Variants in METTL9 observed in about 807,000 individuals in gnomAD.
METTL9 encodes methyltransferase 9, His-X-His N1(pi)-histidine.
Under a neutral mutation model 36.0 loss-of-function variants are expected in METTL9, and 10 were observed. That is an observed-to-expected ratio of 0.28 (90% CI 0.17 to 0.47). The LOEUF is 0.47. METTL9 is among the 20% of genes least tolerant of loss of function. The pLI is 0.99. For missense variants in METTL9, 246 were observed against 383.5 expected (o/e 0.64, Z 3.00); for synonymous variants, 175 against 149.7 (o/e 1.17, Z -1.23).
At chr16:21,655,020 G>T in intron 4 of METTL9, 1 of 584,530 alleles carries the variant, frequency 1.7e-6, no homozygotes. Context: ...AACCTTGCAA[G>T]CGTGGGCAAG....
rs1212376515 is a variant in METTL9, at chr16:21,625,057, A to T, written c.693A>T (p.Pro231=). The part of the protein sequence containing the change: ...LLKDIRSVLE[P]TRGRVILALV... Reference sequence around the variant, plus strand: ...AAGATATCAGAAGTGTCTTGGAGCCAACTAGAGGCAGGGTCATCCTTGCCC... The same window carrying T: ...AAGATATCAGAAGTGTCTTGGAGCCTACTAGAGGCAGGGTCATCCTTGCCC... Residue 231 remains proline, a synonymous_variant, in exon 4 of 5, where the codon CCA becomes CCT. Transcript: ENST00000358154. 14 of 1,614,086 alleles carry T rather than the reference A, an allele frequency of 8.7e-6. No homozygotes were observed. The highest frequency in any genetic ancestry group is 1.7e-5 in the Admixed American group (1 of 60,004).
In METTL9 at chr16:21,618,048, A is replaced by G; in HGVS notation, c.540A>G (p.Ile180Met). The change falls in exon 3 of 5, where the codon ATA becomes ATG. Residue 180 changes from isoleucine to methionine, a missense_variant. By Grantham distance (10) the Ile-to-Met change is conservative. Coordinates refer to ENST00000358154, the MANE Select transcript of METTL9 (RefSeq NM_016025.5). ...IYATELSETM[I>M]WQLQKKKYRV... Reference sequence around the variant, plus strand: ...CCACTGAGCTTTCTGAAACTATGATATGGCAGCTTCAGAAAAAGAAATACA... The same window carrying G: ...CCACTGAGCTTTCTGAAACTATGATGTGGCAGCTTCAGAAAAAGAAATACA... The G allele has an allele frequency of 2.5e-6, 4 of 1,576,876 alleles. No homozygotes were observed. Among genetic ancestry groups the G allele is most frequent in the Non-Finnish European group, 3.4e-6 (4 of 1,168,024 alleles).
intron 4 of METTL9, chr16:21,653,992 T>C (rs936651497): frequency 1.3e-5 from 2 of 151,914 alleles, no homozygotes; most frequent in African/African-American, 4.8e-5. Context: ...CATCTGCTCA[T>C]GATATATTTT....
chr16:21,601,823 T>A (rs772727516), intron 1 of METTL9, among the ~76,000 whole-genome samples: 5 of 151,976 alleles, frequency 3.3e-5, no homozygotes, highest in Non-Finnish European at 5.9e-5. Flanking sequence ...TATGGTGTTT[T>A]CTGAATATTT....
At chr16:21,613,275 C>G (rs1014827612) in intron 2 of METTL9, among the ~76,000 whole-genome samples, 4 of 149,294 alleles carry the variant, frequency 2.7e-5, no homozygotes, top group Non-Finnish European at 5.9e-5. Flanking sequence ...CCTCCGCCTC[C>G]CGGGTTTAAG....
At chr16:21,616,317 C>G (rs1398014257) in intron 2 of METTL9, among the ~76,000 whole-genome samples, 1 of 152,164 alleles carries the variant, frequency 6.6e-6, no homozygotes, top group African/African-American at 2.4e-5. Context: ...GGCCACAGCT[C>G]CTGGGCTCCC....
intron 1 of METTL9, 150 bp from the exon 2 acceptor site, chr16:21,612,495 A>G: frequency 1.4e-6 from 1 of 699,730 alleles, no homozygotes; most frequent in Non-Finnish European, 2.2e-6. Flanking sequence ...ATATGAGTAT[A>G]CGAAATGATT....
At chr16:21,650,422 C>T (rs771796824) in intron 4 of METTL9, among the ~76,000 whole-genome samples, 4 of 149,614 alleles carry the variant, frequency 2.7e-5, no homozygotes, top group African/African-American at 4.9e-5. Context: ...GCAGGAGAAT[C>T]GCTTGAACGT....
chr16:21,627,826 G>A (rs533098023), intron 4 of METTL9, among the ~76,000 whole-genome samples: 50 of 152,178 alleles, frequency 3.3e-4, no homozygotes, highest in Admixed American at 5.9e-4. Flanking sequence ...GGTGGTGGGC[G>A]CCTGTAGTTC....
chr16:21,599,953 C>A lies in METTL9; in HGVS notation c.165+55C>A. ...GGCGTGGCGGCCCGGCCTTCCCGCG[C>A]TGGGCCCGGCTATTGTGCGGGACGG... On this transcript the variant is annotated intron_variant, in intron 1 of 4. Coordinates refer to ENST00000358154, the MANE Select transcript of METTL9 (RefSeq NM_016025.5). The surrounding 1 kb of genome is among the most constrained non-coding windows in gnomAD (Gnocchi z 4.4). The A allele has an allele frequency of 7.9e-7, 1 of 1,268,440 alleles. No individual in the cohort carries two copies. The highest frequency in any genetic ancestry group is 9.9e-7 in the Non-Finnish European group (1 of 1,009,278). 78.6% of individuals were successfully genotyped at this position (1,268,440 alleles called of 1,614,324 possible). A position where few individuals can be genotyped will look rare whatever the true frequency, so the allele number is the denominator to read the frequency against.
intron 2 of METTL9, among the ~76,000 whole-genome samples, chr16:21,615,608 A>T (rs569932946): frequency 6.6e-6 from 1 of 152,220 alleles, no homozygotes; most frequent in South Asian, 2.1e-4. Flanking sequence ...AGAATTTTAT[A>T]ATTATCATGT....
At position 21,655,734 on chromosome 16, in the gene METTL9, T is replaced by C. The variant is rs1966691599; in HGVS notation, c.*302T>C. ...TTTTATACTTAATTGCAGTAGGGACTCATTCCCAGACAAAGCAATAGTCAC... is the reference window on the plus strand; with the variant it reads ...TTTTATACTTAATTGCAGTAGGGACCCATTCCCAGACAAAGCAATAGTCAC... On this transcript the variant is annotated 3_prime_UTR_variant, in exon 5 of 5. Transcript: ENST00000358154. 3.6e-6 allele frequency: 1 copy of C among 277,146 alleles called. No individual in the cohort carries two copies. The highest frequency in any genetic ancestry group is 4.8e-5 in the Admixed American group (1 of 20,992). The allele number at this position is 277,146 out of a possible 1,614,324, so 17.2% of individuals were successfully genotyped here.
chr16:21,641,388 CT>C, intron 4 of METTL9: 2 of 471,030 alleles, frequency 4.2e-6, no homozygotes. Context: ...TTATAGTTTC[CT>C]TACATTCTGA....
At chr16:21,627,856 G>A (rs994074230) in intron 4 of METTL9, among the ~76,000 whole-genome samples, 1 of 152,146 alleles carries the variant, frequency 6.6e-6, no homozygotes, top group African/African-American at 2.4e-5. Context: ...GGGAGGCTGA[G>A]GTGGGAGAAC....
intron 3 of METTL9, among the ~76,000 whole-genome samples, chr16:21,622,442 C>A (rs767597614): frequency 2.0e-5 from 3 of 152,060 alleles, no homozygotes; most frequent in Non-Finnish European, 4.4e-5. Flanking sequence ...ACTGCTTTAT[C>A]ATTCTCTAAG....
rs541282506 is a variant in METTL9, at chr16:21,622,141, C to CTTTTT, written c.567-2773_567-2769dup. Among the ~76,000 whole-genome samples the CTTTTT allele has an allele frequency of 2.0e-3, 70 of 34,912 alleles. 21 individuals are homozygous for CTTTTT. Among genetic ancestry groups the CTTTTT allele is most frequent in the Admixed American group, 5.5e-3 (12 of 2,176 alleles). 22.9% of individuals were successfully genotyped at this position (34,912 alleles called of 152,430 possible). A position where few individuals can be genotyped will look rare whatever the true frequency, so the allele number is the denominator to read the frequency against. ...ATAGGTGTGAGCCACCATGCCTGGCCTTTTTTTTTTTTTTTTTTTTTGAGA... is the reference window on the plus strand; with the variant it reads ...ATAGGTGTGAGCCACCATGCCTGGCCTTTTTTTTTTTTTTTTTTTTTTTTTTGAGA... On this transcript the variant is annotated intron_variant, in intron 3 of 4. Coordinates refer to ENST00000358154, the MANE Select transcript of METTL9 (RefSeq NM_016025.5).
At chr16:21,647,671 G>T (rs1402108606) in intron 4 of METTL9, among the ~76,000 whole-genome samples, 1 of 152,094 alleles carries the variant, frequency 6.6e-6, no homozygotes, top group Non-Finnish European at 1.5e-5. Context: ...CCTGTTTTCT[G>T]ACCTTGACCT....
At chr16:21,617,131 A>G (rs1965571757) in intron 2 of METTL9, among the ~76,000 whole-genome samples, 1 of 152,162 alleles carries the variant, frequency 6.6e-6, no homozygotes, top group Admixed American at 6.5e-5. Context: ...ATAAAAGATA[A>G]TATCTTTGCT....
chr16:21,632,680 G>C (rs1038299432), intron 4 of METTL9, among the ~76,000 whole-genome samples: 5 of 152,152 alleles, frequency 3.3e-5, no homozygotes, highest in African/African-American at 1.2e-4. Flanking sequence ...TTGGCACCTA[G>C]TATGCCACTT....
Sources: gnomAD v4.1 joint callset for allele counts (sites outside exome capture counted in the v4.1 genomes callset) on GRCh38, gnomAD v4.1.1 for gene constraint, Gnocchi (gnomAD v3.1) non-coding constraint, MANE v1.5 for transcripts, NCBI Gene and HGNC (gene_info 2026-07-23, HGNC 2026-07-21) for gene names.